The following RBM33 variants were observed in gnomAD, a reference collection of about 807,000 sequenced individuals.
RBM33 encodes RNA-binding protein 33.
RBM33 carries 28 observed loss-of-function variants against 132.6 expected under a neutral mutation model. That is an observed-to-expected ratio of 0.21 (90% CI 0.16 to 0.29). The LOEUF (loss-of-function observed/expected upper bound fraction) is 0.29. Ranked by LOEUF, RBM33 falls within the 10% of genes least tolerant of loss-of-function variation. The probability of loss-of-function intolerance (pLI) is 1.00; values close to 1 mark genes in which losing one functional copy is unlikely to be tolerated. For synonymous variants in RBM33, 634 were observed against 593.0 expected (o/e 1.07, Z -1.01); for missense variants, 1,291 against 1,518.5 (o/e 0.85, Z 2.49).
rs981344756 is a variant in RBM33 at position 155,776,401 on chromosome 7, C to T, written c.*1360C>T. 5 of 152,216 alleles carry T rather than the reference C, an allele frequency of 3.3e-5. No homozygotes were observed. Among genetic ancestry groups the T allele is most frequent in the African/African-American group, 1.2e-4 (5 of 41,444 alleles). 9.4% of individuals were successfully genotyped at this position (152,216 alleles called of 1,614,324 possible). A position where few individuals can be genotyped will look rare whatever the true frequency, so the allele number is the denominator to read the frequency against. On this transcript the variant is annotated 3_prime_UTR_variant, in exon 18 of 18. Coordinates refer to ENST00000401878, the MANE Select transcript of RBM33 (RefSeq NM_053043.3). The surrounding 1 kb of genome is among the most constrained non-coding windows in gnomAD (Gnocchi z 4.0). ...CTTACTGCCCCTGGAGGGAGCATGG[C>T]GCTAGGGCTCTCAGCCTCCTAGAAG...
intron 2 of RBM33, among the ~76,000 whole-genome samples, chr7:155,666,666 CATT>C (rs1434650481): frequency 2.6e-5 from 4 of 152,146 alleles, no homozygotes; most frequent in African/African-American, 7.2e-5. Context: ...ATAGCTTACT[CATT>C]ATTTGGAGTT....
At position 155,777,771 on chromosome 7, in the gene RBM33, AGTT is replaced by A. The variant is rs1215085763; in HGVS notation, c.*2735_*2737del. On this transcript the variant is annotated 3_prime_UTR_variant, in exon 18 of 18. Coordinates refer to ENST00000401878, the MANE Select transcript of RBM33 (RefSeq NM_053043.3). ...CAAAGTTTAATGGATACAGTTCCAC[AGTT>A]GTTGATGTGTTTGTGTGTATATTCG... 6.6e-6 allele frequency: 1 copy of A among 152,634 alleles called. No homozygotes were observed. The highest frequency in any genetic ancestry group is 1.5e-5 in the Non-Finnish European group (1 of 68,038). The allele number at this position is 152,634 out of a possible 1,614,324, so 9.5% of individuals were successfully genotyped here. A position where few individuals can be genotyped will look rare whatever the true frequency, so the allele number is the denominator to read the frequency against.
chr7:155,769,339 C>T lies in RBM33; in HGVS notation c.3375+2684C>T, dbSNP rs150690899. On this transcript the variant is annotated intron_variant, in intron 16 of 17. Transcript: ENST00000401878. ...CTTGCGGGAAAGCACATTAAAGCAG[C>T]GGGAAGAAGGGGAGTGGGCGCACAG... Among the ~76,000 whole-genome samples, 7 of 152,230 alleles carry T rather than the reference C, an allele frequency of 4.6e-5. No individual in the cohort carries two copies. The East Asian group carries it at 5.8e-4, about 13-fold the overall frequency.
intron 2 of RBM33, among the ~76,000 whole-genome samples, chr7:155,666,410 T>C (rs753576730): frequency 1.5e-4 from 23 of 152,332 alleles, no homozygotes; most frequent in Middle Eastern, 6.8e-3. Flanking sequence ...GTGGACTCAT[T>C]GCTAATCAGC....
intron 14 of RBM33, among the ~76,000 whole-genome samples, chr7:155,758,041 C>T (rs1016949136): frequency 6.6e-6 from 1 of 152,316 alleles, no homozygotes; most frequent in African/African-American, 2.4e-5. Context: ...ACTGGGGATA[C>T]ATTTCAACAG....
intron 9 of RBM33, among the ~76,000 whole-genome samples, chr7:155,732,502 A>G (rs533573443): frequency 3.9e-5 from 6 of 152,306 alleles, no homozygotes; most frequent in Admixed American, 3.3e-4. Context: ...TGTGCTGACT[A>G]TGGTTGGGGC....
chr7:155,731,927 A>G (rs1800967349), intron 9 of RBM33, among the ~76,000 whole-genome samples: 2 of 152,370 alleles, frequency 1.3e-5, no homozygotes, highest in Admixed American at 1.3e-4. Context: ...CTATTAAATA[A>G]TGAAGATGGA....
intron 1 of RBM33, among the ~76,000 whole-genome samples, chr7:155,662,362 A>G (rs1460406787): frequency 6.6e-6 from 1 of 151,926 alleles, no homozygotes; most frequent in Non-Finnish European, 1.5e-5. Context: ...GCTCATCTAC[A>G]TTCTGGCCAT....
chr7:155,743,557 TTC>T (rs946911980), intron 13 of RBM33, among the ~76,000 whole-genome samples: 1 of 152,254 alleles, frequency 6.6e-6, no homozygotes, highest in Admixed American at 6.5e-5. Flanking sequence ...TCTTTTAATT[TTC>T]TCTCTCTATA....
intron 14 of RBM33, among the ~76,000 whole-genome samples, chr7:155,760,657 G>A (rs1802004451): frequency 6.6e-6 from 1 of 152,172 alleles, no homozygotes; most frequent in Non-Finnish European, 1.5e-5. Context: ...TGAAAGATGA[G>A]GGTATGTGGT....
At chr7:155,676,466 C>G (rs908121303) in intron 3 of RBM33, among the ~76,000 whole-genome samples, 22 of 152,168 alleles carry the variant, frequency 1.4e-4, no homozygotes, top group Admixed American at 1.4e-3. Flanking sequence ...GTTTTGGGAA[C>G]CATTTTCTTC....
chr7:155,685,196 T>C (rs1001458189), intron 5 of RBM33: 3 of 813,340 alleles, frequency 3.7e-6, no homozygotes, highest in African/African-American at 3.5e-5. Context: ...CTTTCTAGGC[T>C]CCTTGGGAAG....
intron 5 of RBM33, among the ~76,000 whole-genome samples, chr7:155,681,770 A>G (rs1799344061): frequency 6.6e-6 from 1 of 152,168 alleles, no homozygotes; most frequent in Non-Finnish European, 1.5e-5. Context: ...CTGTATTTAC[A>G]TCTTCATTCG....
At chr7:155,766,353 T>C (rs1802216887) in intron 15 of RBM33, 114 bp from the exon 16 acceptor site, 2 of 1,167,668 alleles carry the variant, frequency 1.7e-6, no homozygotes, top group Non-Finnish European at 2.4e-6. Flanking sequence ...GAAAATCCTG[T>C]AGCTCATGGT....
intron 11 of RBM33, 119 bp downstream of exon 11, chr7:155,738,522 A>G: frequency 1.0e-6 from 1 of 994,106 alleles, no homozygotes. Context: ...AGAATAGAGT[A>G]TTAGTCTCAA....
intron 16 of RBM33, among the ~76,000 whole-genome samples, chr7:155,769,208 A>G (rs1477441855): frequency 6.6e-6 from 1 of 152,136 alleles, no homozygotes; most frequent in Non-Finnish European, 1.5e-5. Context: ...CGAAGACTAG[A>G]TATTTTTTTT....
At position 155,766,673 on chromosome 7, in the gene RBM33, G is replaced by T. The variant is rs867976857; in HGVS notation, c.3375+18G>T. Reference sequence around the variant, plus strand: ...CCATTCAGGTAGCCGCCTGGGGGTGGCATCTGTGCCACGGGTAGTTGTGTC... The same window carrying T: ...CCATTCAGGTAGCCGCCTGGGGGTGTCATCTGTGCCACGGGTAGTTGTGTC... On this transcript the variant is annotated intron_variant, in intron 16 of 17. Transcript: ENST00000401878. The T allele has an allele frequency of 2.5e-6, 4 of 1,600,344 alleles. No individual in the cohort carries two copies. Among genetic ancestry groups the T allele is most frequent in the Non-Finnish European group, 2.6e-6 (3 of 1,173,456 alleles).
intron 3 of RBM33, among the ~76,000 whole-genome samples, chr7:155,677,511 G>T (rs2116918621): frequency 6.6e-6 from 1 of 152,174 alleles, no homozygotes; most frequent in East Asian, 1.9e-4. Context: ...CGCCCAGCCA[G>T]AAACTTCATT....
At chr7:155,681,279 C>T (rs1799330677) in intron 5 of RBM33, among the ~76,000 whole-genome samples, 1 of 152,222 alleles carries the variant, frequency 6.6e-6, no homozygotes, top group South Asian at 2.1e-4. Flanking sequence ...AGATTATTGA[C>T]CTGCTAAAGA....
Sources: allele counts gnomAD v4.1 joint callset (sites outside exome capture counted in the v4.1 genomes callset), GRCh38; gene constraint gnomAD v4.1.1; non-coding constraint Gnocchi (gnomAD v3.1); transcripts MANE v1.5; gene names NCBI Gene and HGNC (gene_info 2026-07-23, HGNC 2026-07-21).